Variants in TTC7B observed in about 807,000 individuals in gnomAD.
TTC7B encodes tetratricopeptide repeat protein 7B.
Under a neutral mutation model 106.8 loss-of-function variants are expected in TTC7B, and 28 were observed. The observed-to-expected ratio is 0.26, with a 90% CI of 0.19 to 0.36. The LOEUF (loss-of-function observed/expected upper bound fraction) is 0.36. TTC7B is among the 10% of genes least tolerant of loss of function. The pLI is 1.00. For synonymous variants in TTC7B, 405 were observed against 430.6 expected, an observed-to-expected ratio of 0.94 and a Z score of 0.74; for missense variants, 862 against 1,076.4, an observed-to-expected ratio of 0.80 and a Z score of 2.79.
At chr14:90,588,063 C>T (rs567012961) in intron 18 of TTC7B, among the ~76,000 whole-genome samples, 114 of 152,318 alleles carry the variant, frequency 7.5e-4, no homozygotes, top group African/African-American at 2.6e-3. Context: ...CCCTCAGGGA[C>T]GTCGTGTTCC....
intron 15 of TTC7B, among the ~76,000 whole-genome samples, chr14:90,629,610 G>A (rs1286447): frequency 0.024 from 3,701 of 152,296 alleles, 139 homozygotes; most frequent in African/African-American, 0.084. Flanking sequence ...GAGGTTTCCA[G>A]GAAACACCTG....
intron 1 of TTC7B, among the ~76,000 whole-genome samples, chr14:90,810,078 T>A (rs1208753180): frequency 6.6e-6 from 1 of 152,208 alleles, no homozygotes; most frequent in African/African-American, 2.4e-5. Context: ...AAACCAAAAG[T>A]TGTTTTTTGT....
chr14:90,620,611 C>T (rs984977505), intron 15 of TTC7B, among the ~76,000 whole-genome samples: 4 of 152,184 alleles, frequency 2.6e-5, no homozygotes, highest in African/African-American at 9.6e-5. Flanking sequence ...ACGTGCTGCA[C>T]AGGCTGGAGC....
intron 2 of TTC7B, among the ~76,000 whole-genome samples, chr14:90,782,364 C>T (rs774251825): frequency 6.6e-6 from 1 of 152,108 alleles, no homozygotes; most frequent in Non-Finnish European, 1.5e-5. Flanking sequence ...TTTGGGAGGC[C>T]GAGGCAGGCA....
chr14:90,768,909 T>C (rs553116196), intron 3 of TTC7B, among the ~76,000 whole-genome samples: 2 of 152,348 alleles, frequency 1.3e-5, no homozygotes, highest in South Asian at 4.1e-4. Flanking sequence ...CTAGTATTAT[T>C]ATAACTTTGG....
At chr14:90,798,456 G>A (rs1365783712) in intron 1 of TTC7B, among the ~76,000 whole-genome samples, 5 of 152,080 alleles carry the variant, frequency 3.3e-5, no homozygotes, top group Middle Eastern at 3.2e-3. Flanking sequence ...ACAATAGGCC[G>A]GACTAGGTGG....
chr14:90,524,976 A>G lies in TTC7B; in HGVS notation c.*16392T>C, dbSNP rs1025518002. 6.6e-6 allele frequency: 1 copy of G among 152,192 alleles called. No homozygotes were observed. The highest frequency in any genetic ancestry group is 6.5e-5 in the Admixed American group (1 of 15,288). The allele number at this position is 152,192 out of a possible 1,614,324, so 9.4% of individuals were successfully genotyped here. A position where few individuals can be genotyped will look rare whatever the true frequency, so the allele number is the denominator to read the frequency against. On this transcript the variant is annotated 3_prime_UTR_variant, in exon 20 of 20. Coordinates refer to ENST00000328459, the MANE Select transcript of TTC7B (RefSeq NM_001010854.2). ...TAAAGCGCAAGCATTTAAAGTATAC[A>G]GTTCAATATGTCTTGACATTTGTAT...
intron 1 of TTC7B, among the ~76,000 whole-genome samples, chr14:90,801,592 G>A (rs925170825): frequency 6.6e-6 from 1 of 152,076 alleles, no homozygotes; most frequent in Non-Finnish European, 1.5e-5. Context: ...GCTCTGTTTG[G>A]GCCAAGTGAA....
intron 4 of TTC7B, among the ~76,000 whole-genome samples, chr14:90,738,331 C>T (rs558134186): frequency 7.2e-5 from 11 of 152,170 alleles, no homozygotes; most frequent in African/African-American, 1.4e-4. Flanking sequence ...TAGTAGAGGC[C>T]GGGCACGGTG....
At chr14:90,785,175 T>C (rs1401889218) in intron 2 of TTC7B, among the ~76,000 whole-genome samples, 1 of 151,872 alleles carries the variant, frequency 6.6e-6, no homozygotes, top group African/African-American at 2.4e-5. Context: ...ACACAGCAAG[T>C]CGGGAGCAGG....
chr14:90,671,799 T>G (rs1288344670), intron 9 of TTC7B, among the ~76,000 whole-genome samples: 1 of 152,172 alleles, frequency 6.6e-6, no homozygotes, highest in East Asian at 1.9e-4. Flanking sequence ...GGCTGAAAAG[T>G]CCATAAGGAA....
chr14:90,573,197 G>A (rs926424378), intron 19 of TTC7B, among the ~76,000 whole-genome samples: 15 of 152,260 alleles, frequency 9.9e-5, no homozygotes, highest in African/African-American at 3.6e-4. Context: ...TCACTTCTCA[G>A]CATTGGCTGT....
intron 9 of TTC7B, among the ~76,000 whole-genome samples, chr14:90,659,213 T>TTGTGTGTGTGTGTG (rs148678143): frequency 9.2e-4 from 135 of 146,716 alleles, no homozygotes; most frequent in African/African-American, 3.3e-3. Context: ...ACGAGTGTGA[T>TTGTGTGTGTGTGTG]TGTGTGTGTG....
chr14:90,730,096 TG>T lies in TTC7B; in HGVS notation c.676del (p.His226MetfsTer10). Reference sequence around the variant, plus strand: ...TTACCCATTTTTGAAATAGAGGACATGGGCTCTCTGAAGTCCTGTTTCTAGG... The same window carrying T: ...TTACCCATTTTTGAAATAGAGGACATGGCTCTCTGAAGTCCTGTTTCTAGG... ...FFLETGLQRA[H>X]VLYFKNGNLT... On this transcript the variant is annotated frameshift_variant, in exon 5 of 20. Transcript: ENST00000328459. LOFTEE classifies it high-confidence loss of function. The T allele has an allele frequency of 1.2e-6, 2 of 1,612,968 alleles. No homozygotes were observed.
At chr14:90,666,531 G>A (rs1386330538) in intron 9 of TTC7B, among the ~76,000 whole-genome samples, 1 of 152,186 alleles carries the variant, frequency 6.6e-6, no homozygotes, top group Non-Finnish European at 1.5e-5. Flanking sequence ...AGGAGCCTGG[G>A]TCCAGGAAAA....
At chr14:90,545,880 G>A (rs1260006251) in intron 19 of TTC7B, among the ~76,000 whole-genome samples, 1 of 152,192 alleles carries the variant, frequency 6.6e-6, no homozygotes, top group Non-Finnish European at 1.5e-5. Flanking sequence ...GGTTCTTGCT[G>A]GCTTGGAAAT....
chr14:90,551,904 G>A (rs1266224829), intron 19 of TTC7B, among the ~76,000 whole-genome samples: 2 of 152,242 alleles, frequency 1.3e-5, no homozygotes, highest in African/African-American at 2.4e-5. Context: ...GAAAACATGC[G>A]TGGGTGGGGT....
chr14:90,623,546 C>T (rs1000317322), intron 15 of TTC7B, among the ~76,000 whole-genome samples: 2 of 152,202 alleles, frequency 1.3e-5, no homozygotes, highest in African/African-American at 2.4e-5. Flanking sequence ...AAAATACAGT[C>T]CCTTGCTTAC....
At chr14:90,755,231 C>T (rs6575148) in intron 3 of TTC7B, among the ~76,000 whole-genome samples, 146,886 of 152,336 alleles carry the variant, frequency 0.96, 70,981 homozygotes, top group Non-Finnish European at 1. Flanking sequence ...CACCTAGGGA[C>T]GGAATTAGAC....
Sources: gnomAD v4.1 joint callset for allele counts (sites outside exome capture counted in the v4.1 genomes callset) on GRCh38, gnomAD v4.1.1 for gene constraint, MANE v1.5 for transcripts, NCBI Gene and HGNC (gene_info 2026-07-23, HGNC 2026-07-21) for gene names.